PCARE: variants seen among roughly 807,000 people sequenced by gnomAD.
The protein encoded by PCARE is photoreceptor cilium actin regulator, also known as uncharacterized protein C2orf71.
A neutral mutation model predicts 82.2 loss-of-function variants in PCARE; 72 were observed. That is an observed-to-expected ratio of 0.88 (90% CI 0.72 to 1.07). The LOEUF is 1.07. PCARE is among the 50% of genes least tolerant of loss of function. The pLI, the probability that PCARE is intolerant of heterozygous loss-of-function variation, is 0.00. For synonymous variants in PCARE, 705 were observed against 634.8 expected (o/e 1.11, Z -1.66); for missense variants, 1,768 against 1,592.4 (o/e 1.11, Z -1.88).
Position 29,072,692 on chromosome 2 carries a change from G to A in PCARE, c.1570C>T (p.Pro524Ser), listed in dbSNP as rs1667512587. 3 of 1,614,022 alleles carry A rather than the reference G, an allele frequency of 1.9e-6. No individual in the cohort carries two copies. The highest frequency in any genetic ancestry group is 2.5e-6 in the Non-Finnish European group (3 of 1,180,030). Residue 524 changes from proline (P) to serine (S), a missense_variant, in exon 1 of 2, where the codon CCA becomes TCA. Pro to Ser is a moderately conservative substitution (Grantham distance 74). Coordinates refer to ENST00000331664, the MANE Select transcript of PCARE (RefSeq NM_001029883.3). ...PQSSPADRES[P>S]FQARTRRLRS... ...AGCCTCCTGGTGCGGGCCTGAAATG[G>A]GCTTTCCCGGTCAGCAGGTGAAGAT...
chr2:29,069,009 A>C (rs931995584), intron 1 of PCARE, among the ~76,000 whole-genome samples: 1 of 151,896 alleles, frequency 6.6e-6, no homozygotes, highest in African/African-American at 2.4e-5. Flanking sequence ...TCATAATACT[A>C]AGATGTCACT....
chr2:29,073,891 GA>G lies in PCARE; in HGVS notation c.370del (p.Ser124HisfsTer58). 1 of 1,614,236 alleles carries G rather than the reference GA, an allele frequency of 6.2e-7. No homozygotes were observed. The highest frequency in any genetic ancestry group is 1.1e-5 in the South Asian group (1 of 91,088). On this transcript the variant is annotated frameshift_variant, in exon 1 of 2. Coordinates refer to ENST00000331664, the MANE Select transcript of PCARE (RefSeq NM_001029883.3). LOFTEE classifies it high-confidence loss of function. ...IPFKTQGSHG[S>X]QGADFSGDES... ...ATCTCCAGAAAAGTCTGCCCCTTGT[GA>G]TCCATGGGAACCCTGTGTCTTGAAC...
chr2:29,071,055 C>G lies in PCARE; in HGVS notation c.3207G>C (p.Lys1069Asn). The change falls in exon 1 of 2, where the codon AAG becomes AAC. Residue 1069 changes from lysine to asparagine, a missense_variant. Coordinates refer to ENST00000331664, the MANE Select transcript of PCARE (RefSeq NM_001029883.3). ...GGTGCTGGGTTGGGGGGCTGGGGAC[C>G]TTGCACTGAGCAGGTGCACTCTCGG... is the stretch of plus-strand genomic sequence containing the variant. ...PPPESAPAQC[K>N]VPSPPTQHPE... 6.4e-7 allele frequency: 1 copy of G among 1,563,300 alleles called. No individual in the cohort carries two copies.
chr2:29,068,867 C>T (rs1003082498), intron 1 of PCARE, among the ~76,000 whole-genome samples: 10 of 152,170 alleles, frequency 6.6e-5, no homozygotes, highest in Admixed American at 2.6e-4. Context: ...GGAGCTAGGT[C>T]CTTGGGGATA....
Position 29,073,277 on chromosome 2 carries a change from C to G in PCARE, c.985G>C (p.Glu329Gln), listed in dbSNP as rs1339290327. 1 of 1,614,076 alleles carries G rather than the reference C, an allele frequency of 6.2e-7. No homozygotes were observed. Among genetic ancestry groups the G allele is most frequent in the East Asian group, 2.2e-5 (1 of 44,886 alleles). The part of the protein sequence containing the change: ...ERLLRALRQL[E>Q]SLASGCGDPG... ...TCGCCACAGCCACTCGCCAGGCTCT[C>G]TAGCTGCCTCAGAGCCCTCAGGAGG... The change falls in exon 1 of 2, where the codon GAG becomes CAG. Residue 329 changes from glutamate to glutamine, a missense_variant. Transcript: ENST00000331664.
In PCARE at chr2:29,072,360, CT is replaced by C; in HGVS notation, c.1901del (p.Gln634ArgfsTer111). 6.2e-7 allele frequency: 1 copy of C among 1,614,122 alleles called. No individual in the cohort carries two copies. The highest frequency in any genetic ancestry group is 2.2e-5 in the East Asian group (1 of 44,876). On this transcript the variant is annotated frameshift_variant, in exon 1 of 2. Transcript: ENST00000331664. LOFTEE classifies it high-confidence loss of function. The stretch of plus-strand genomic sequence containing the variant: ...GCAGAATTTGCTCCTGGCTCTGCCC[CT>C]GCCCTTTGGCACCCAGGGCATAAAA... ...EAFYALGAKGQGQSQEQILQP... is the reference protein window; with the variant it reads ...EAFYALGAKGXGQSQEQILQP...
chr2:29,073,682 T>C lies in PCARE; in HGVS notation c.580A>G (p.Ser194Gly). The C allele has an allele frequency of 6.2e-7, 1 of 1,614,180 alleles. No individual in the cohort carries two copies. The highest frequency in any genetic ancestry group is 8.5e-7 in the Non-Finnish European group (1 of 1,180,026). ...AGAATTGCTTCATATTTGGAGAGGCTGGAGTGTAGATAGGTGTAAGCCTGC... is the reference window on the plus strand; with the variant it reads ...AGAATTGCTTCATATTTGGAGAGGCCGGAGTGTAGATAGGTGTAAGCCTGC... Reference protein sequence around the residue: ...HQQAYTYLHSSLSKYEAILCI... With the variant: ...HQQAYTYLHSGLSKYEAILCI... Residue 194 changes from serine (S) to glycine (G), a missense_variant, in exon 1 of 2, where the codon AGC becomes GGC. Physicochemically the swap from Ser to Gly is moderately conservative, Grantham distance 56. Transcript: ENST00000331664.
chr2:29,071,995 C>A lies in PCARE; in HGVS notation c.2267G>T (p.Ser756Ile). The A allele has an allele frequency of 6.2e-7, 1 of 1,613,930 alleles. No individual in the cohort carries two copies. The highest frequency in any genetic ancestry group is 1.3e-5 in the African/African-American group (1 of 75,048). The change falls in exon 1 of 2, where the codon AGT becomes ATT. Residue 756 changes from serine to isoleucine, a missense_variant. Ser to Ile is a moderately radical substitution (Grantham distance 142, BLOSUM62 -2). Transcript: ENST00000331664. The stretch of plus-strand genomic sequence containing the variant: ...CATGATGCAATTCCTGAGGCAGGGA[C>A]TTGCCCCAGCGTCCTTAGAGTCCCC... ...MLGDSKDAGA[S>I]PCLRNCIMPP...
At position 29,071,807 on chromosome 2, in the gene PCARE, G is replaced by T. The variant is rs773377902; in HGVS notation, c.2455C>A (p.Leu819Ile). ...PKAEAAKSEE[L>I]SCEMEGNLEH... ...AGGTTCCCCTCCATTTCACAGCTGA[G>T]CTCCTCACTCTTGGCTGCTTCTGCT... The change falls in exon 1 of 2, where the codon CTC becomes ATC. Residue 819 changes from leucine (L) to isoleucine (I), a missense_variant. Transcript: ENST00000331664. The T allele has an allele frequency of 8.1e-6, 13 of 1,614,134 alleles. No individual in the cohort carries two copies. In the Admixed American group the frequency reaches 2.2e-4, roughly 27 times the overall value.
At chr2:29,070,107 T>C (rs1050215689) in intron 1 of PCARE, among the ~76,000 whole-genome samples, 1 of 151,866 alleles carries the variant, frequency 6.6e-6, no homozygotes, top group Admixed American at 6.6e-5. Flanking sequence ...TTTTTTGAGA[T>C]ATATATATAT....
At position 29,065,003 on chromosome 2, in the gene PCARE, G is replaced by C. The variant is rs1457250109; in HGVS notation, c.3733C>G (p.Gln1245Glu). 1 of 1,568,612 alleles carries C rather than the reference G, an allele frequency of 6.4e-7. No individual in the cohort carries two copies. The highest frequency in any genetic ancestry group is 1.4e-5 in the African/African-American group (1 of 73,588). Residue 1245 changes from glutamine to glutamate, a missense_variant, in exon 2 of 2, where the codon CAG (glutamine) becomes GAG (glutamate). Gln to Glu is a conservative substitution (Grantham distance 29, BLOSUM62 2). Coordinates refer to ENST00000331664, the MANE Select transcript of PCARE (RefSeq NM_001029883.3). ...PGSSPCSPEL[Q>E]GGTRRASPPE... is the part of the protein sequence containing the mutation. ...GGAGATGCACGCCTGGTGCCGCCCT[G>C]CAGTTCAGGGGAACAGGGGCTGCTC...
Position 29,071,596 on chromosome 2 carries a change from A to AG in PCARE, c.2665dup (p.Leu889ProfsTer218), listed in dbSNP as rs1558488513. ...GGTGCTCTTGCTGGGCAGCAAGTCCAGGGGGCTCACAGAGGCCCTCAGCTT... is the reference window on the plus strand; with the variant it reads ...GGTGCTCTTGCTGGGCAGCAAGTCCAGGGGGGCTCACAGAGGCCCTCAGCTT... On this transcript the variant is annotated frameshift_variant, in exon 1 of 2. Transcript: ENST00000331664. LOFTEE classifies it high-confidence loss of function. 1.2e-6 allele frequency: 2 copies of AG among 1,612,354 alleles called. No individual in the cohort carries two copies. The highest frequency in any genetic ancestry group is 1.7e-5 in the Admixed American group (1 of 60,028).
rs1293161632 is a variant in PCARE at position 29,073,161 on chromosome 2, C to T, written c.1101G>A (p.Lys367=). 1.2e-6 allele frequency: 2 copies of T among 1,613,996 alleles called. No individual in the cohort carries two copies. The highest frequency in any genetic ancestry group is 8.5e-7 in the Non-Finnish European group (1 of 1,179,994). The change falls in exon 1 of 2, where the codon AAG becomes AAA. Residue 367 remains lysine (K), a synonymous_variant. Transcript: ENST00000331664. ...CTGGTGCAAGGTCCCAGCTGGTTTG[C>T]TTGCCCAGCTTGTCCACCGACTGCA... The part of the protein sequence containing the change: ...ESVQSVDKLG[K]QTSWDLAPEP...
At chr2:29,067,434 G>A (rs1667405742) in intron 1 of PCARE, among the ~76,000 whole-genome samples, 1 of 152,220 alleles carries the variant, frequency 6.6e-6, no homozygotes, top group African/African-American at 2.4e-5. Context: ...AGTGTGGGAA[G>A]GCTTACAGCT....
Position 29,072,793 on chromosome 2 carries a change from T to C in PCARE, c.1469A>G (p.Glu490Gly). Residue 490 changes from glutamate to glycine, a missense_variant, in exon 1 of 2, where the codon GAG becomes GGG. Coordinates refer to ENST00000331664, the MANE Select transcript of PCARE (RefSeq NM_001029883.3). ...SLSDSEDSSP[E>G]EEEEDKMSSM... is the part of the protein sequence containing the mutation. ...GCTCATTTTGTCTTCCTCCTCCTCC[T>C]CTGGGCTGCTGTCCTCGCTGTCACT... is the stretch of plus-strand genomic sequence containing the variant. The C allele has an allele frequency of 6.2e-7, 1 of 1,614,130 alleles. No homozygotes were observed. Among genetic ancestry groups the C allele is most frequent in the Non-Finnish European group, 8.5e-7 (1 of 1,180,024 alleles).
chr2:29,064,784 A>G lies in PCARE; in HGVS notation c.*85T>C. On this transcript the variant is annotated 3_prime_UTR_variant, in exon 2 of 2. Transcript: ENST00000331664. ...ACCTCAGTAGGAGTTTGGTTTGCCC[A>G]TCATCTCTGGGTCAGGCTGGACACT... is the stretch of plus-strand genomic sequence containing the variant. 1 of 1,573,156 alleles carries G rather than the reference A, an allele frequency of 6.4e-7. No individual in the cohort carries two copies. The highest frequency in any genetic ancestry group is 1.1e-5 in the South Asian group (1 of 88,792).
Position 29,073,804 on chromosome 2 carries a change from G to T in PCARE, c.458C>A (p.Thr153Lys), listed in dbSNP as rs778162481. 1 of 1,614,166 alleles carries T rather than the reference G, an allele frequency of 6.2e-7. No individual in the cohort carries two copies. The highest frequency in any genetic ancestry group is 8.5e-7 in the Non-Finnish European group (1 of 1,180,008). Residue 153 changes from threonine to lysine, a missense_variant, in exon 1 of 2, where the codon ACG (threonine) becomes AAG (lysine). Physicochemically the swap from Thr to Lys is moderately conservative, Grantham distance 78. Coordinates refer to ENST00000331664, the MANE Select transcript of PCARE (RefSeq NM_001029883.3). ...GTAGCAGTGGCTCTGTGTGCTTGAC[G>T]TGTGACATTTTGCTGTCCTTTTCCA... The part of the protein sequence containing the change: ...SKWKRTAKCH[T>K]SSTQSHCYQT...
rs1667366951 is a variant in PCARE, at chr2:29,064,808, C to A, written c.*61G>T. 1 of 1,599,554 alleles carries A rather than the reference C, an allele frequency of 6.3e-7. No homozygotes were observed. Among genetic ancestry groups the A allele is most frequent in the African/African-American group, 1.3e-5 (1 of 74,790 alleles). On this transcript the variant is annotated 3_prime_UTR_variant, in exon 2 of 2. Coordinates refer to ENST00000331664, the MANE Select transcript of PCARE (RefSeq NM_001029883.3). The stretch of plus-strand genomic sequence containing the variant: ...CATCATCTCTGGGTCAGGCTGGACA[C>A]TTGGCTGTCACACTTGGCCTTCTGG...
At position 29,072,782 on chromosome 2, in the gene PCARE, C is replaced by T. The variant is rs764330510; in HGVS notation, c.1480G>A (p.Glu494Lys). The T allele has an allele frequency of 2.7e-5, 43 of 1,609,452 alleles. No individual in the cohort carries two copies. Among genetic ancestry groups the T allele is most frequent in the Non-Finnish European group, 3.3e-5 (39 of 1,176,216 alleles). Residue 494 changes from glutamate (E) to lysine (K), a missense_variant, in exon 1 of 2, where the codon GAA becomes AAA. Physicochemically the swap from Glu to Lys is moderately conservative, Grantham distance 56. Transcript: ENST00000331664. ...SEDSSPEEEE[E>K]DKMSSMSLCA... Reference sequence around the variant, plus strand: ...AGACTCATGCTGCTCATTTTGTCTTCCTCCTCCTCCTCTGGGCTGCTGTCC... The same window carrying T: ...AGACTCATGCTGCTCATTTTGTCTTTCTCCTCCTCCTCTGGGCTGCTGTCC...
Sources: allele counts gnomAD v4.1 joint callset (sites outside exome capture counted in the v4.1 genomes callset), GRCh38; gene constraint gnomAD v4.1.1; transcripts MANE v1.5; gene names NCBI Gene and HGNC (gene_info 2026-07-23, HGNC 2026-07-21).